Variants in REV1 observed in about 807,000 individuals in gnomAD.
REV1 encodes REV1 DNA directed polymerase.
Under a neutral mutation model 137.4 loss-of-function variants are expected in REV1, and 42 were observed. The observed-to-expected ratio is 0.31, with a 90% CI of 0.24 to 0.40. The LOEUF (loss-of-function observed/expected upper bound fraction) is 0.40, where lower values mean the gene tolerates loss of function less well. Among genes scored for constraint, REV1 ranks in the 10% least tolerant of loss-of-function variants. The pLI is 1.00. For missense variants in REV1, 1,282 were observed against 1,490.1 expected (o/e 0.86, Z 2.30); for synonymous variants, 524 against 519.2 (o/e 1.01, Z -0.12).
chr2:99,454,292 G>C (rs909660447), intron 3 of REV1, among the ~76,000 whole-genome samples: 7 of 152,044 alleles, frequency 4.6e-5, no homozygotes, highest in Non-Finnish European at 1.0e-4. Context: ...GGTCACACCT[G>C]TAATCCCAGC....
chr2:99,448,314 ACTT>A (rs1394579566), intron 4 of REV1, among the ~76,000 whole-genome samples: 4 of 150,972 alleles, frequency 2.6e-5, no homozygotes, highest in Admixed American at 1.3e-4. Context: ...TTAATATTTT[ACTT>A]CTTTTATAAA....
rs1275440331 is a variant in REV1 at position 99,402,294 on chromosome 2, T to G, written c.3594A>C (p.Ile1198=). The G allele has an allele frequency of 1.3e-6, 2 of 1,524,268 alleles. No individual in the cohort carries two copies. Among genetic ancestry groups the G allele is most frequent in the East Asian group, 4.5e-5 (2 of 44,320 alleles). 94.4% of individuals were successfully genotyped at this position (1,524,268 alleles called of 1,614,324 possible). The change falls in exon 22 of 23, where the codon ATA becomes ATC. Residue 1198 remains isoleucine (I), a synonymous_variant. Transcript: ENST00000258428. ...CCAGTTTTTCCAAATCTTTTTCTTC[T>G]ATTAGATCAGTACAGTATTTCACAA... The part of the protein sequence containing the change: ...LQVVKYCTDL[I]EEKDLEKLDL...
intron 7 of REV1, 77 bp from the exon 8 acceptor site, chr2:99,434,525 G>T: frequency 2.3e-6 from 2 of 875,406 alleles, no homozygotes; most frequent in Non-Finnish European, 1.7e-6. Context: ...TTTTTCAAAG[G>T]ATTTTAAAAA....
intron 1 of REV1, among the ~76,000 whole-genome samples, chr2:99,488,698 T>G (rs902191402): frequency 1.3e-5 from 2 of 152,198 alleles, no homozygotes; most frequent in Non-Finnish European, 2.9e-5. Flanking sequence ...GGTGGACAGA[T>G]AGATGGTTCC....
rs1258332980 is a variant in REV1 at position 99,435,863 on chromosome 2, A to G, written c.1292T>C (p.Val431Ala). ...GAGATCTGGTCTATTTCGTATACCC[A>G]CTGATACAAAGAAGCAATCCATATC... ...HVDMDCFFVS[V>A]GIRNRPDLKG... The change falls in exon 7 of 23, where the codon GTG (valine) becomes GCG (alanine). Residue 431 changes from valine (V) to alanine (A), a missense_variant. Around this residue, in one of 7 missense-constraint regions of REV1, gnomAD observed 432 missense variants for 438.0 expected, o/e 0.99. Coordinates refer to ENST00000258428, the MANE Select transcript of REV1 (RefSeq NM_016316.4). The G allele has an allele frequency of 2.5e-6, 4 of 1,602,886 alleles. No individual in the cohort carries two copies. Among genetic ancestry groups the G allele is most frequent in the Non-Finnish European group, 3.4e-6 (4 of 1,170,814 alleles).
In REV1 at chr2:99,438,216, T is replaced by C. The variant is rs28382884; in HGVS notation, c.1213+385A>G. The stretch of plus-strand genomic sequence containing the variant: ...TGTCAAAATTAAAAAATCATTATGA[T>C]GCAAGCTTCTAGAAATTAACAATTA... On this transcript the variant is annotated intron_variant, in intron 6 of 22. Transcript: ENST00000258428. Among the ~76,000 whole-genome samples the C allele has an allele frequency of 2.6e-5, 4 of 152,272 alleles. No homozygotes were observed. In the East Asian group the frequency reaches 7.7e-4, roughly 29 times the overall value.
chr2:99,489,598 C>T (rs1253886921), intron 1 of REV1, among the ~76,000 whole-genome samples: 2 of 148,910 alleles, frequency 1.3e-5, no homozygotes, highest in African/African-American at 2.4e-5. Flanking sequence ...TCACACATTA[C>T]ATAACCCGGC....
At chr2:99,407,027 C>T (rs1676395806) in intron 15 of REV1, 1 of 146,410 alleles carries the variant, frequency 6.8e-6, no homozygotes, top group Non-Finnish European at 1.5e-5. Context: ...CACATCAAGC[C>T]AGAACAACCC....
intron 15 of REV1, among the ~76,000 whole-genome samples, chr2:99,407,332 C>T (rs945113978): frequency 6.6e-6 from 1 of 151,456 alleles, no homozygotes; most frequent in Non-Finnish European, 1.5e-5. Context: ...GGGTGGATCA[C>T]CTGAGGTCAG....
intron 14 of REV1, among the ~76,000 whole-genome samples, chr2:99,410,478 A>G (rs3749087): frequency 0.42 from 64,461 of 151,998 alleles, 13,918 homozygotes; most frequent in Admixed American, 0.57. Flanking sequence ...AAGGTCAGCA[A>G]TGCCGTCAAA....
At chr2:99,434,483 G>T in intron 7 of REV1, 35 bp from the exon 8 acceptor site, 1 of 1,416,918 alleles carries the variant, frequency 7.1e-7, no homozygotes, top group Non-Finnish European at 9.6e-7. Context: ...TCTGTATGTG[G>T]TACAGGAATG....
intron 2 of REV1, 35 bp from the exon 3 acceptor site, chr2:99,462,657 G>T: frequency 1.3e-6 from 2 of 1,564,704 alleles, no homozygotes; most frequent in Admixed American, 2.2e-5. Context: ...AATCACAAAG[G>T]TTACATTTTC....
chr2:99,477,404 C>A (rs1269234240), intron 1 of REV1, among the ~76,000 whole-genome samples: 1 of 152,190 alleles, frequency 6.6e-6, no homozygotes, highest in Non-Finnish European at 1.5e-5. Flanking sequence ...GGGCTAAGCA[C>A]ACAGAGAACT....
intron 15 of REV1, 86 bp downstream of exon 15, chr2:99,407,943 C>T: frequency 1.4e-6 from 1 of 728,776 alleles, no homozygotes; most frequent in Non-Finnish European, 2.2e-6. Flanking sequence ...TCCCTATACA[C>T]CAGCAATAAC....
At chr2:99,489,280 G>A (rs529252379) in intron 1 of REV1, among the ~76,000 whole-genome samples, 57 of 152,322 alleles carry the variant, frequency 3.7e-4, no homozygotes, top group African/African-American at 1.3e-3. Flanking sequence ...GACGTCGAAG[G>A]CGGGGTGCGG....
intron 6 of REV1, 68 bp downstream of exon 6, chr2:99,438,533 T>G: frequency 8.4e-7 from 1 of 1,190,046 alleles, no homozygotes; most frequent in Non-Finnish European, 1.2e-6. Flanking sequence ...GAAATACCAA[T>G]AATAGCATAA....
At chr2:99,419,358 G>A (rs541672109) in intron 11 of REV1, among the ~76,000 whole-genome samples, 11 of 151,634 alleles carry the variant, frequency 7.3e-5, no homozygotes, top group East Asian at 3.9e-4. Context: ...GACTACAGGC[G>A]CCCACCACCA....
intron 1 of REV1, among the ~76,000 whole-genome samples, chr2:99,489,263 C>CA (rs1687426394): frequency 6.6e-6 from 1 of 152,180 alleles, no homozygotes; most frequent in Non-Finnish European, 1.5e-5. Context: ...TTCTGGGATG[C>CA]ACCGGGGACG....
At chr2:99,430,045 G>T in intron 8 of REV1, 97 bp from the exon 9 acceptor site, 1 of 667,120 alleles carries the variant, frequency 1.5e-6, no homozygotes, top group Non-Finnish European at 2.4e-6. Context: ...ATATAAAAAT[G>T]TTCAGTAAAT....
Sources: gnomAD v4.1 joint callset for allele counts (sites outside exome capture counted in the v4.1 genomes callset) on GRCh38, gnomAD v4.1.1 for gene constraint, gnomAD v4.1.1 regional missense constraint, MANE v1.5 for transcripts, NCBI Gene and HGNC (gene_info 2026-07-23, HGNC 2026-07-21) for gene names.